Variants in STAG1 observed in about 807,000 individuals in gnomAD.
The protein encoded by STAG1 is STAG1 cohesin complex component, also known as cohesin subunit SA-1.
Under a neutral mutation model 170.9 loss-of-function variants are expected in STAG1, and 26 were observed. The observed-to-expected ratio is 0.15, with a 90% CI of 0.11 to 0.21. The LOEUF (loss-of-function observed/expected upper bound fraction) is 0.21, where lower values mean the gene tolerates loss of function less well. Ranked by LOEUF, STAG1 falls within the 10% of genes least tolerant of loss-of-function variation. The pLI, the probability that STAG1 is intolerant of heterozygous loss-of-function variation, is 1.00. For synonymous variants in STAG1, 514 were observed against 497.7 expected (o/e 1.03, Z -0.44); for missense variants, 964 against 1,509.5 (o/e 0.64, Z 5.99).
chr3:136,377,984 T>C (rs1937699847), intron 22 of STAG1, among the ~76,000 whole-genome samples: 1 of 152,226 alleles, frequency 6.6e-6, no homozygotes, highest in South Asian at 2.1e-4. Flanking sequence ...GAATACTCAG[T>C]ATGATTGTTT....
intron 5 of STAG1, among the ~76,000 whole-genome samples, chr3:136,558,010 G>T (rs983252511): frequency 2.0e-5 from 3 of 152,176 alleles, no homozygotes; most frequent in African/African-American, 7.2e-5. Flanking sequence ...AAAGGATAAT[G>T]TATCAAAATA....
intron 15 of STAG1, among the ~76,000 whole-genome samples, chr3:136,436,725 G>C (rs894905793): frequency 1.3e-5 from 2 of 151,994 alleles, no homozygotes; most frequent in Non-Finnish European, 2.9e-5. Flanking sequence ...AATTTACAAA[G>C]GTTTAAAAGT....
At chr3:136,612,094 G>A (rs922775453) in intron 3 of STAG1, among the ~76,000 whole-genome samples, 5 of 151,820 alleles carry the variant, frequency 3.3e-5, no homozygotes, top group East Asian at 1.9e-4. Context: ...TGATCTGCCC[G>A]CCTCGGCCTC....
chr3:136,634,036 G>A (rs964220115), intron 1 of STAG1, among the ~76,000 whole-genome samples: 1 of 145,072 alleles, frequency 6.9e-6, no homozygotes, highest in African/African-American at 2.5e-5. Flanking sequence ...AGCTACTCAG[G>A]AGGCTGAGGC....
intron 1 of STAG1, among the ~76,000 whole-genome samples, chr3:136,657,029 G>A (rs1355382304): frequency 1.3e-5 from 2 of 150,910 alleles, no homozygotes; most frequent in East Asian, 1.9e-4. Context: ...AAGAAACAAT[G>A]TCCTATAAAT....
chr3:136,703,765 T>C (rs1428412086), intron 1 of STAG1, among the ~76,000 whole-genome samples: 2 of 151,998 alleles, frequency 1.3e-5, no homozygotes, highest in Non-Finnish European at 2.9e-5. Flanking sequence ...ATCCCAGCAC[T>C]TTGGGAGGCT....
chr3:136,746,589 C>T (rs1346266714), intron 1 of STAG1, among the ~76,000 whole-genome samples: 1 of 152,188 alleles, frequency 6.6e-6, no homozygotes, highest in Non-Finnish European at 1.5e-5. Flanking sequence ...AACCGTATGC[C>T]ATGACTAAAC....
At chr3:136,393,251 A>G (rs752639176) in intron 22 of STAG1, among the ~76,000 whole-genome samples, 2 of 152,202 alleles carry the variant, frequency 1.3e-5, no homozygotes, top group Non-Finnish European at 1.5e-5. Context: ...GAAAAAATTA[A>G]GGGGAAAAAA....
At chr3:136,541,985 G>T in intron 6 of STAG1, 134 bp downstream of exon 6, 1 of 673,870 alleles carries the variant, frequency 1.5e-6, no homozygotes, top group Non-Finnish European at 2.5e-6. Flanking sequence ...TAGTACCACA[G>T]ATTATCATAT....
At chr3:136,595,470 G>A (rs1227775428) in intron 4 of STAG1, among the ~76,000 whole-genome samples, 1 of 151,866 alleles carries the variant, frequency 6.6e-6, no homozygotes, top group Non-Finnish European at 1.5e-5. Flanking sequence ...GAGGCAGGTG[G>A]ATCACGAGGT....
chr3:136,616,268 CAAA>C (rs367863678), intron 3 of STAG1, among the ~76,000 whole-genome samples: 3 of 122,044 alleles, frequency 2.5e-5, no homozygotes, highest in African/African-American at 8.6e-5. Context: ...GACTCCGTCT[CAAA>C]AAAAAAAAAA....
At chr3:136,694,606 A>G (rs1942823432) in intron 1 of STAG1, among the ~76,000 whole-genome samples, 1 of 151,152 alleles carries the variant, frequency 6.6e-6, no homozygotes, top group Non-Finnish European at 1.5e-5. Flanking sequence ...AGATGCTCCC[A>G]TCTCTTTAAA....
chr3:136,352,135 A>T (rs1936457189), intron 28 of STAG1, among the ~76,000 whole-genome samples: 1 of 151,966 alleles, frequency 6.6e-6, no homozygotes, highest in African/African-American at 2.4e-5. Flanking sequence ...ATTTCAAAAG[A>T]TATCATTTTT....
At chr3:136,578,450 T>C (rs1937524165) in intron 4 of STAG1, among the ~76,000 whole-genome samples, 3 of 152,230 alleles carry the variant, frequency 2.0e-5, no homozygotes, top group African/African-American at 7.2e-5. Context: ...AAATCTAACT[T>C]GTGGAGAGTT....
At chr3:136,655,887 T>C (rs1041589096) in intron 1 of STAG1, among the ~76,000 whole-genome samples, 2 of 152,090 alleles carry the variant, frequency 1.3e-5, no homozygotes, top group African/African-American at 2.4e-5. Context: ...AAATTAAGAA[T>C]AGACTTACCA....
At chr3:136,392,644 TA>T (rs1030160529) in intron 22 of STAG1, among the ~76,000 whole-genome samples, 1 of 151,594 alleles carries the variant, frequency 6.6e-6, no homozygotes, top group Non-Finnish European at 1.5e-5. Context: ...CATGCGCCTG[TA>T]GTCCCAGCTA....
intron 9 of STAG1, among the ~76,000 whole-genome samples, chr3:136,487,752 C>T (rs2090046074): frequency 6.6e-6 from 1 of 152,152 alleles, no homozygotes; most frequent in Admixed American, 6.5e-5. Context: ...CCTTTCATTC[C>T]CCTTTTCTTG....
chr3:136,725,277 C>T (rs113176165), intron 1 of STAG1, among the ~76,000 whole-genome samples: 3 of 133,762 alleles, frequency 2.2e-5, no homozygotes, highest in African/African-American at 5.7e-5. Flanking sequence ...CAAAATTATA[C>T]GGGTGTGTGT....
intron 2 of STAG1, among the ~76,000 whole-genome samples, chr3:136,629,583 C>T (rs975595559): frequency 2.6e-5 from 4 of 151,284 alleles, no homozygotes; most frequent in Non-Finnish European, 5.9e-5. Flanking sequence ...CATATGTCGG[C>T]GAAAGGACAG....
Sources: gnomAD v4.1 joint callset for allele counts (sites outside exome capture counted in the v4.1 genomes callset) on GRCh38, gnomAD v4.1.1 for gene constraint, MANE v1.5 for transcripts, NCBI Gene and HGNC (gene_info 2026-07-23, HGNC 2026-07-21) for gene names.